The following ADGRB3 variants were observed in gnomAD, a reference collection of about 807,000 sequenced individuals.
ADGRB3 encodes the protein adhesion G protein-coupled receptor B3, also known as brain-specific angiogenesis inhibitor 3.
A neutral mutation model predicts 193.4 loss-of-function variants in ADGRB3; 37 were observed. The ratio of observed to expected loss-of-function variants is 0.19; its 90% CI spans 0.15 to 0.25. ADGRB3 has a LOEUF of 0.25. ADGRB3 is among the 10% of genes least tolerant of loss of function. The pLI is 1.00. For synonymous variants in ADGRB3, 690 were observed against 644.2 expected, an observed-to-expected ratio of 1.07 and a Z score of -1.08; for missense variants, 1,637 against 1,852.9, an observed-to-expected ratio of 0.88 and a Z score of 2.14.
chr6:69,072,953 C>T (rs1372179295), intron 16 of ADGRB3, among the ~76,000 whole-genome samples: 1 of 152,144 alleles, frequency 6.6e-6, no homozygotes, highest in Non-Finnish European at 1.5e-5. Context: ...TTCCCCTTTC[C>T]TTCCATGGAA....
At chr6:69,191,610 AAAGCTTTGGGGATTAC>A (rs901847404) in intron 17 of ADGRB3, among the ~76,000 whole-genome samples, 2 of 152,156 alleles carry the variant, frequency 1.3e-5, no homozygotes, top group Non-Finnish European at 2.9e-5. Context: ...TCTAATGGAC[AAAGCTTTGGGGATTAC>A]AAAGTTCAGA....
intron 11 of ADGRB3, among the ~76,000 whole-genome samples, chr6:69,011,476 A>C (rs1347299177): frequency 6.6e-6 from 1 of 151,782 alleles, no homozygotes; most frequent in African/African-American, 2.4e-5. Flanking sequence ...GGACTAATAG[A>C]GTGGGGAGGG....
chr6:69,332,252 A>C (rs1286222145), intron 23 of ADGRB3: 2 of 985,258 alleles, frequency 2.0e-6, no homozygotes, highest in African/African-American at 3.5e-5. Flanking sequence ...ATCATGCAAA[A>C]GACCTTTTAA....
chr6:68,752,088 A>G (rs1374399874), intron 3 of ADGRB3, among the ~76,000 whole-genome samples: 1 of 152,132 alleles, frequency 6.6e-6, no homozygotes, highest in Non-Finnish European at 1.5e-5. Context: ...CTATGATTTA[A>G]TTGGTAAAAT....
chr6:68,815,997 A>T (rs914326018), intron 3 of ADGRB3, among the ~76,000 whole-genome samples: 8 of 152,048 alleles, frequency 5.3e-5, no homozygotes, highest in African/African-American at 1.9e-4. Context: ...CAAAGGTCCC[A>T]AAGAAATCAA....
At chr6:69,125,890 C>T (rs1773837177) in intron 17 of ADGRB3, among the ~76,000 whole-genome samples, 1 of 152,154 alleles carries the variant, frequency 6.6e-6, no homozygotes, top group African/African-American at 2.4e-5. Flanking sequence ...GAGATTTGAA[C>T]TTGGCCCTTG....
In ADGRB3 at chr6:68,639,394, G is replaced by A; in HGVS notation, c.719G>A (p.Cys240Tyr). 1 of 1,612,820 alleles carries A rather than the reference G, an allele frequency of 6.2e-7. No individual in the cohort carries two copies. The highest frequency in any genetic ancestry group is 8.5e-7 in the Non-Finnish European group (1 of 1,179,498). Residue 240 changes from cysteine to tyrosine, a missense_variant, in exon 3 of 32, where the codon TGC (cysteine) becomes TAC (tyrosine). Cys to Tyr is a radical substitution (Grantham distance 194, BLOSUM62 -2). Transcript: ENST00000370598. ...CAGGAGCTGCAAACCACCCAAGTCT[G>A]CAATCTTACCAGGGAGGCCAAGCGA... ...LTQELQTTQV[C>Y]NLTREAKRPP...
In ADGRB3 at chr6:69,025,504, T is replaced by C. The variant is rs376405215; in HGVS notation, c.2107+7005T>C. ...ACTTGTAGTCTGTTGACATCACGCC[T>C]GAAAAATACACAATTTAACTTTTTT... On this transcript the variant is annotated intron_variant, in intron 13 of 31. Transcript: ENST00000370598. Among the ~76,000 whole-genome samples, 185 of 151,288 alleles carry C rather than the reference T, an allele frequency of 1.2e-3. 1 individual carries two copies. The highest frequency in any genetic ancestry group is 4.4e-3 in the African/African-American group (182 of 41,376).
At chr6:68,847,778 A>G (rs1768310276) in intron 3 of ADGRB3, among the ~76,000 whole-genome samples, 1 of 152,148 alleles carries the variant, frequency 6.6e-6, no homozygotes, top group Non-Finnish European at 1.5e-5. Flanking sequence ...TTGTTAAAAG[A>G]GGTGGGGTCG....
chr6:68,832,426 A>T (rs1767973315), intron 3 of ADGRB3, among the ~76,000 whole-genome samples: 1 of 152,106 alleles, frequency 6.6e-6, no homozygotes, highest in African/African-American at 2.4e-5. Flanking sequence ...TAATTTCCAT[A>T]GTAAGAGGGT....
chr6:69,294,054 C>T (rs1338447315), intron 20 of ADGRB3, among the ~76,000 whole-genome samples: 1 of 152,084 alleles, frequency 6.6e-6, no homozygotes, highest in Non-Finnish European at 1.5e-5. Flanking sequence ...ATCACTGTTC[C>T]CTCTTCGTCT....
intron 23 of ADGRB3, chr6:69,331,709 T>C (rs984012907): frequency 2.0e-6 from 2 of 985,354 alleles, no homozygotes; most frequent in Non-Finnish European, 1.2e-6. Context: ...CCTAAGCTTC[T>C]AGGTTAATGC....
chr6:68,985,375 T>C lies in ADGRB3; in HGVS notation c.1735-8393T>C, dbSNP rs148000275. Among the ~76,000 whole-genome samples the C allele has an allele frequency of 3.7e-4, 57 of 152,296 alleles. 2 individuals are homozygous for C. In the East Asian group the frequency reaches 9.4e-3, roughly 25 times the overall value. On this transcript the variant is annotated intron_variant, in intron 10 of 31. Coordinates refer to ENST00000370598, the MANE Select transcript of ADGRB3 (RefSeq NM_001704.3). ...TAGATTTTATCCAGCGTTGATATTT[T>C]GATGAATCAATCCATTGGCATTAGA...
intron 15 of ADGRB3, among the ~76,000 whole-genome samples, chr6:69,056,149 A>G (rs1771540320): frequency 6.6e-6 from 1 of 152,006 alleles, no homozygotes; most frequent in African/African-American, 2.4e-5. Context: ...TTTTTTAATA[A>G]TGGTTATCCT....
intron 7 of ADGRB3, among the ~76,000 whole-genome samples, 178 bp from the exon 8 acceptor site, chr6:68,956,467 T>G (rs1768079087): frequency 1.3e-5 from 2 of 152,146 alleles, no homozygotes; most frequent in Admixed American, 1.3e-4. Flanking sequence ...TTTTTACACT[T>G]TTTTACACTG....
intron 3 of ADGRB3, among the ~76,000 whole-genome samples, chr6:68,702,957 A>G (rs532096632): frequency 1.3e-5 from 2 of 152,276 alleles, no homozygotes; most frequent in East Asian, 3.9e-4. Flanking sequence ...GGGTATTTAA[A>G]ATAGACCTAT....
chr6:69,361,335 T>G lies in ADGRB3; in HGVS notation c.4062T>G (p.Pro1354=), dbSNP rs761285028. ...KVNPEFNMNP[P]VMDQFNMNLE... ...ACCCTGAATTCAATATGAATCCCCC[T>G]GTAATGGACCAGTTCAATATGAACT... The change falls in exon 29 of 32, where the codon CCT becomes CCG. Residue 1354 remains proline (P), a synonymous_variant. Transcript: ENST00000370598. 9.3e-6 allele frequency: 15 copies of G among 1,612,896 alleles called. No individual in the cohort carries two copies. Among genetic ancestry groups the G allele is most frequent in the Non-Finnish European group, 1.2e-5 (14 of 1,179,282 alleles).
At chr6:69,257,442 G>A (rs1766804775) in intron 20 of ADGRB3, among the ~76,000 whole-genome samples, 2 of 152,184 alleles carry the variant, frequency 1.3e-5, no homozygotes, top group South Asian at 4.1e-4. Context: ...GAGAGTGTAT[G>A]TGTCAAGGAA....
At chr6:68,935,637 C>T (rs1268950269) in intron 4 of ADGRB3, among the ~76,000 whole-genome samples, 2 of 152,054 alleles carry the variant, frequency 1.3e-5, no homozygotes, top group Non-Finnish European at 2.9e-5. Context: ...ATTTTCCAAT[C>T]AATTTTTAAA....
Sources: gnomAD v4.1 joint callset for allele counts (sites outside exome capture counted in the v4.1 genomes callset) on GRCh38, gnomAD v4.1.1 for gene constraint, MANE v1.5 for transcripts, NCBI Gene and HGNC (gene_info 2026-07-23, HGNC 2026-07-21) for gene names.